The following NELL1 variants were observed in gnomAD, a reference collection of about 807,000 sequenced individuals.
NELL1 encodes the protein protein kinase C-binding protein NELL1.
In NELL1, 76 loss-of-function variants were observed where a neutral mutation model predicts 107.4. The ratio of observed to expected loss-of-function variants is 0.71; its 90% confidence interval spans 0.59 to 0.86. NELL1 has a LOEUF of 0.86. Ranked by LOEUF, NELL1 falls within the 40% of genes least tolerant of loss-of-function variation. The probability of loss-of-function intolerance (pLI) is 0.00; values close to 1 mark genes in which losing one functional copy is unlikely to be tolerated. For synonymous variants in NELL1, 353 were observed against 341.2 expected (o/e 1.03, Z -0.38); for missense variants, 1,024 against 1,005.5 (o/e 1.02, Z -0.25).
chr11:20,814,581 A>G (rs1327690992), intron 3 of NELL1, among the ~76,000 whole-genome samples: 1 of 152,228 alleles, frequency 6.6e-6, no homozygotes, highest in Admixed American at 6.5e-5. Flanking sequence ...TAATTCACTT[A>G]GGATAACGTC....
intron 15 of NELL1, among the ~76,000 whole-genome samples, chr11:21,408,016 T>C (rs1272584651): frequency 6.6e-6 from 1 of 151,916 alleles, no homozygotes; most frequent in Admixed American, 6.6e-5. Context: ...CTTTCTTTTA[T>C]TGTGATATGG....
chr11:21,357,875 A>T (rs188359119), intron 14 of NELL1, among the ~76,000 whole-genome samples: 1 of 152,172 alleles, frequency 6.6e-6, no homozygotes, highest in African/African-American at 2.4e-5. Context: ...CCTGCCAGTT[A>T]TCCCAGCACC....
intron 12 of NELL1, among the ~76,000 whole-genome samples, chr11:21,105,138 T>C (rs1325925222): frequency 6.6e-6 from 1 of 152,156 alleles, no homozygotes; most frequent in Non-Finnish European, 1.5e-5. Flanking sequence ...CATCATTGTC[T>C]GGGGTAAATA....
intron 15 of NELL1, among the ~76,000 whole-genome samples, chr11:21,532,445 G>T (rs182259504): frequency 6.6e-6 from 1 of 152,298 alleles, no homozygotes; most frequent in East Asian, 1.9e-4. Context: ...TATTTGATCA[G>T]ATAATTTATC....
At chr11:21,469,607 A>G (rs1396867937) in intron 15 of NELL1, among the ~76,000 whole-genome samples, 1 of 152,076 alleles carries the variant, frequency 6.6e-6, no homozygotes, top group African/African-American at 2.4e-5. Flanking sequence ...AATTAAACTC[A>G]TTGAATTAAT....
intron 3 of NELL1, among the ~76,000 whole-genome samples, chr11:20,840,133 A>G (rs1167896597): frequency 6.6e-6 from 1 of 152,226 alleles, no homozygotes; most frequent in East Asian, 1.9e-4. Flanking sequence ...CATTTTTGGT[A>G]GAATTCCATT....
chr11:21,414,233 G>T (rs1471611251), intron 15 of NELL1, among the ~76,000 whole-genome samples: 1 of 152,062 alleles, frequency 6.6e-6, no homozygotes, highest in Non-Finnish European at 1.5e-5. Flanking sequence ...TGGAAGAAGA[G>T]TGGGGGAGAG....
intron 2 of NELL1, among the ~76,000 whole-genome samples, chr11:20,681,368 A>C (rs565099508): frequency 1.8e-4 from 28 of 152,292 alleles, no homozygotes; most frequent in African/African-American, 6.7e-4. Flanking sequence ...GACAAAATGC[A>C]GATAAGCTTT....
chr11:20,959,786 C>A (rs1178767910), intron 11 of NELL1, among the ~76,000 whole-genome samples: 1 of 152,140 alleles, frequency 6.6e-6, no homozygotes, highest in Non-Finnish European at 1.5e-5. Context: ...TAACAAGACA[C>A]CACCTGTTCC....
At chr11:20,778,959 T>C (rs1235870207) in intron 2 of NELL1, among the ~76,000 whole-genome samples, 1 of 151,772 alleles carries the variant, frequency 6.6e-6, no homozygotes, top group Non-Finnish European at 1.5e-5. Context: ...TCTGTTTTTT[T>C]TCTCTCTCTC....
intron 13 of NELL1, among the ~76,000 whole-genome samples, chr11:21,133,428 G>A (rs1033355787): frequency 1.3e-5 from 2 of 152,146 alleles, no homozygotes; most frequent in Non-Finnish European, 1.5e-5. Flanking sequence ...CCACCCAGGA[G>A]CCTGTCTGCC....
intron 14 of NELL1, among the ~76,000 whole-genome samples, chr11:21,301,856 A>G (rs1849498064): frequency 6.6e-6 from 1 of 152,052 alleles, no homozygotes; most frequent in African/African-American, 2.4e-5. Flanking sequence ...TTTGGGGGAT[A>G]TTTAATAATG....
intron 2 of NELL1, among the ~76,000 whole-genome samples, chr11:20,699,931 A>G (rs1040570305): frequency 1.2e-4 from 19 of 152,118 alleles, no homozygotes; most frequent in Admixed American, 1.2e-3. Context: ...TATCACATCC[A>G]TGCCAACACC....
intron 2 of NELL1, among the ~76,000 whole-genome samples, chr11:20,684,547 T>A (rs370485342): frequency 3.9e-5 from 6 of 152,166 alleles, no homozygotes; most frequent in African/African-American, 1.4e-4. Flanking sequence ...TCGAAAATTC[T>A]AATAATTGTA....
intron 15 of NELL1, among the ~76,000 whole-genome samples, chr11:21,388,547 A>G (rs1851797337): frequency 6.6e-6 from 1 of 151,850 alleles, no homozygotes; most frequent in South Asian, 2.1e-4. Context: ...TCTCAACAAA[A>G]CAGTGTCAAG....
At chr11:21,316,799 T>A (rs1849889177) in intron 14 of NELL1, among the ~76,000 whole-genome samples, 5 of 152,150 alleles carry the variant, frequency 3.3e-5, no homozygotes, top group Admixed American at 3.3e-4. Context: ...AAGAGAATGA[T>A]GCTCAGAGTC....
At chr11:20,971,819 T>TA (rs1469925900) in intron 12 of NELL1, among the ~76,000 whole-genome samples, 2 of 152,134 alleles carry the variant, frequency 1.3e-5, no homozygotes, top group African/African-American at 4.8e-5. Context: ...ATGTAGCACA[T>TA]ATAGCCCATG....
intron 2 of NELL1, among the ~76,000 whole-genome samples, chr11:20,781,755 G>T (rs1856853988): frequency 6.6e-6 from 1 of 151,832 alleles, no homozygotes; most frequent in Non-Finnish European, 1.5e-5. Context: ...ATAATAGGGT[G>T]CAGTGGCTCA....
intron 14 of NELL1, among the ~76,000 whole-genome samples, chr11:21,276,740 G>A (rs935934866): frequency 2.8e-4 from 43 of 152,184 alleles, no homozygotes; most frequent in Admixed American, 2.8e-3. Context: ...CAGAAATAAT[G>A]CCACATATCT....
Sources: gnomAD v4.1 joint callset for allele counts (sites outside exome capture counted in the v4.1 genomes callset) on GRCh38, gnomAD v4.1.1 for gene constraint, MANE v1.5 for transcripts, NCBI Gene and HGNC (gene_info 2026-07-23, HGNC 2026-07-21) for gene names.